CCDC192: variants seen among roughly 807,000 people sequenced by gnomAD.
CCDC192 encodes the protein coiled-coil domain containing 192.
intron 3 of CCDC192, among the ~76,000 whole-genome samples, chr5:127,767,239 G>A (rs1755277561): frequency 6.6e-6 from 1 of 152,150 alleles, no homozygotes; most frequent in Non-Finnish European, 1.5e-5. Context: ...CTACCCTGTA[G>A]GATCTAGGAT....
intron 3 of CCDC192, chr5:127,785,200 C>A: frequency 1.9e-6 from 1 of 527,138 alleles, no homozygotes; most frequent in Non-Finnish European, 3.9e-6. Context: ...CTGATATAAC[C>A]ATGTCAATTT....
chr5:127,839,685 A>G (rs1750198197), intron 5 of CCDC192, among the ~76,000 whole-genome samples: 1 of 152,130 alleles, frequency 6.6e-6, no homozygotes, highest in Non-Finnish European at 1.5e-5. Context: ...TGGGCTCTGG[A>G]ATGACTGTAC....
intron 5 of CCDC192, among the ~76,000 whole-genome samples, chr5:127,874,671 C>T (rs954254900): frequency 5.9e-5 from 9 of 152,216 alleles, no homozygotes; most frequent in Non-Finnish European, 1.2e-4. Flanking sequence ...ATTATTTTCC[C>T]GGCTTCCTAA....
chr5:127,795,325 T>C (rs984395301), intron 3 of CCDC192, among the ~76,000 whole-genome samples: 3 of 150,910 alleles, frequency 2.0e-5, no homozygotes, highest in Non-Finnish European at 4.4e-5. Flanking sequence ...TTGGTAAATA[T>C]TTAGATAAAA....
chr5:127,849,537 G>C (rs1011505595), intron 5 of CCDC192, among the ~76,000 whole-genome samples: 1 of 152,168 alleles, frequency 6.6e-6, no homozygotes, highest in African/African-American at 2.4e-5. Context: ...TCGGCCCTGA[G>C]AGAACCTTCC....
In CCDC192 at chr5:127,777,157, G is replaced by T. The variant is rs1201688559; in HGVS notation, c.223-19946G>T. ...CACTCAATGCCAGCCTATAAAAGCA[G>T]CCATGAGGGAGGCTGTATCCTGCAA... On this transcript the variant is annotated intron_variant, in intron 3 of 6. Coordinates refer to ENST00000514853, the MANE Select transcript of CCDC192 (RefSeq NM_001317938.2). 2.6e-5 allele frequency among the ~76,000 whole-genome samples: 4 copies of T among 152,316 alleles called. No homozygotes were observed. In the East Asian group the frequency reaches 5.8e-4, roughly 22 times the overall value.
At chr5:127,826,123 G>A (rs1165883367) in intron 5 of CCDC192, among the ~76,000 whole-genome samples, 1 of 152,054 alleles carries the variant, frequency 6.6e-6, no homozygotes, top group African/African-American at 2.4e-5. Context: ...GTTGTCACTG[G>A]GTTCTTTTTC....
chr5:127,758,856 G>A (rs1754757197), intron 3 of CCDC192, among the ~76,000 whole-genome samples: 1 of 152,224 alleles, frequency 6.6e-6, no homozygotes, highest in African/African-American at 2.4e-5. Flanking sequence ...GTGGACTGCT[G>A]TTTATGACCA....
At chr5:127,841,096 A>G (rs1580735493) in intron 5 of CCDC192, among the ~76,000 whole-genome samples, 1 of 152,356 alleles carries the variant, frequency 6.6e-6, no homozygotes, top group East Asian at 1.9e-4. Context: ...CAGGAACAAC[A>G]TCATGTCAAA....
intron 2 of CCDC192, among the ~76,000 whole-genome samples, chr5:127,713,408 TGTTA>T (rs1375823415): frequency 1.3e-5 from 2 of 152,212 alleles, no homozygotes; most frequent in African/African-American, 2.4e-5. Flanking sequence ...TTTCAAGTTG[TGTTA>T]GTTTCTTATT....
intron 6 of CCDC192, among the ~76,000 whole-genome samples, chr5:127,881,440 T>G (rs1752348132): frequency 6.6e-6 from 1 of 152,202 alleles, no homozygotes; most frequent in Middle Eastern, 3.2e-3. Context: ...TTTCCTTGCT[T>G]GGTTCATTTT....
chr5:127,926,391 G>A (rs536310034), intron 6 of CCDC192, among the ~76,000 whole-genome samples: 17 of 152,124 alleles, frequency 1.1e-4, no homozygotes, highest in Admixed American at 5.9e-4. Flanking sequence ...GACTTAAACC[G>A]AGGAGGAAAC....
At chr5:127,791,425 A>C (rs1668883779) in intron 3 of CCDC192, among the ~76,000 whole-genome samples, 1 of 152,230 alleles carries the variant, frequency 6.6e-6, no homozygotes, top group Non-Finnish European at 1.5e-5. Flanking sequence ...GAAGATGACA[A>C]AATAAGAAGT....
chr5:127,721,115 C>T (rs193117009), intron 2 of CCDC192, among the ~76,000 whole-genome samples: 174 of 152,316 alleles, frequency 1.1e-3, no homozygotes, highest in African/African-American at 3.7e-3. Flanking sequence ...CCCCGGAAAA[C>T]GGGTTTTTCT....
intron 6 of CCDC192, among the ~76,000 whole-genome samples, chr5:127,888,580 C>T (rs965950855): frequency 6.6e-6 from 1 of 151,894 alleles, no homozygotes; most frequent in Admixed American, 6.6e-5. Context: ...AATGGAAATG[C>T]CACGTTTATT....
chr5:127,711,770 A>G (rs1404459198), intron 2 of CCDC192, among the ~76,000 whole-genome samples: 1 of 152,188 alleles, frequency 6.6e-6, no homozygotes, highest in Admixed American at 6.5e-5. Flanking sequence ...ATATGTATCT[A>G]TATTTAAATA....
intron 3 of CCDC192, among the ~76,000 whole-genome samples, chr5:127,779,289 A>G (rs1193866430): frequency 2.0e-5 from 3 of 152,096 alleles, no homozygotes; most frequent in African/African-American, 7.2e-5. Context: ...AACATATATG[A>G]GGATCTATGT....
chr5:127,888,741 C>T (rs245172), intron 6 of CCDC192, among the ~76,000 whole-genome samples: 99,447 of 152,080 alleles, frequency 0.65, 32,510 homozygotes, highest in Non-Finnish European at 0.68. Context: ...ACACAGCTGA[C>T]TACTCTGAAT....
chr5:127,934,462 C>T (rs1036927801), intron 6 of CCDC192, among the ~76,000 whole-genome samples: 3 of 152,120 alleles, frequency 2.0e-5, no homozygotes, highest in East Asian at 1.9e-4. Flanking sequence ...TCAATTAACA[C>T]GTGCCTACTT....
Sources: gnomAD v4.1 joint callset for allele counts (sites outside exome capture counted in the v4.1 genomes callset) on GRCh38, gnomAD v4.1.1 for gene constraint, MANE v1.5 for transcripts, NCBI Gene and HGNC (gene_info 2026-07-23, HGNC 2026-07-21) for gene names.